DPP10: variants seen among roughly 807,000 people sequenced by gnomAD.
DPP10 encodes the protein inactive dipeptidyl peptidase 10.
DPP10 carries 33 observed loss-of-function variants against 120.9 expected under a neutral mutation model. That is an observed-to-expected ratio of 0.27 (90% CI 0.21 to 0.37). The LOEUF (loss-of-function observed/expected upper bound fraction) is 0.37, where lower values mean the gene tolerates loss of function less well. Among genes scored for constraint, DPP10 ranks in the 10% least tolerant of loss-of-function variants. The pLI is 1.00. For missense variants in DPP10, 816 were observed against 942.8 expected (o/e 0.87, Z 1.76); for synonymous variants, 337 against 326.1 (o/e 1.03, Z -0.36).
intron 1 of DPP10, among the ~76,000 whole-genome samples, chr2:115,182,675 C>T (rs1394516787): frequency 1.3e-5 from 2 of 152,108 alleles, no homozygotes; most frequent in East Asian, 3.9e-4. Flanking sequence ...CTAGTCATGA[C>T]AAGTTTCTCC....
At chr2:115,769,161 A>G (rs531312721) in intron 13 of DPP10, among the ~76,000 whole-genome samples, 9 of 152,186 alleles carry the variant, frequency 5.9e-5, no homozygotes, top group African/African-American at 2.2e-4. Context: ...ATAATAAATA[A>G]TCTAGTCTCA....
intron 1 of DPP10, among the ~76,000 whole-genome samples, chr2:114,735,738 A>C (rs538924942): frequency 2.0e-5 from 3 of 152,046 alleles, no homozygotes; most frequent in Non-Finnish European, 4.4e-5. Context: ...TGGCTTTCTG[A>C]AAAAGAAGCA....
chr2:115,216,647 G>T (rs568414159), intron 1 of DPP10, among the ~76,000 whole-genome samples: 1 of 152,004 alleles, frequency 6.6e-6, no homozygotes, highest in African/African-American at 2.4e-5. Context: ...AGCCAGGTGT[G>T]CTGGCGGGCA....
intron 1 of DPP10, among the ~76,000 whole-genome samples, chr2:114,450,425 A>AT (rs776466053): frequency 1.9e-3 from 282 of 148,192 alleles, no homozygotes; most frequent in African/African-American, 2.1e-3. Context: ...AAGTGCTCTG[A>AT]TTTTTTTTTT....
chr2:115,301,492 T>C (rs529812850), intron 1 of DPP10, among the ~76,000 whole-genome samples: 2 of 146,870 alleles, frequency 1.4e-5, no homozygotes, highest in Non-Finnish European at 3.0e-5. Flanking sequence ...TTTTTTTAAC[T>C]GCACTCACTG....
At chr2:115,593,115 G>A (rs2149183014) in intron 5 of DPP10, among the ~76,000 whole-genome samples, 1 of 152,180 alleles carries the variant, frequency 6.6e-6, no homozygotes, top group Admixed American at 6.5e-5. Context: ...TAAACATATT[G>A]TTTAAATCTT....
chr2:115,087,093 C>T (rs1389315204), intron 1 of DPP10, among the ~76,000 whole-genome samples: 2 of 152,144 alleles, frequency 1.3e-5, no homozygotes, highest in African/African-American at 4.8e-5. Flanking sequence ...CCAAGTCGAG[C>T]GTATTCTTTA....
chr2:114,747,100 C>G (rs1347099939), intron 1 of DPP10, among the ~76,000 whole-genome samples: 1 of 152,138 alleles, frequency 6.6e-6, no homozygotes, highest in Non-Finnish European at 1.5e-5. Flanking sequence ...TTCTCTGTTT[C>G]TCTCATTAAG....
chr2:115,342,176 C>A, intron 2 of DPP10: 1 of 454,774 alleles, frequency 2.2e-6, no homozygotes, highest in Non-Finnish European at 4.4e-6. Flanking sequence ...ATACTGACAT[C>A]TATTATGTAT....
At chr2:115,827,877 A>G (rs1187804117) in intron 21 of DPP10, among the ~76,000 whole-genome samples, 7 of 147,340 alleles carry the variant, frequency 4.8e-5, no homozygotes, top group Non-Finnish European at 1.1e-4. Flanking sequence ...GATTACAGGC[A>G]TGAGCCACTG....
At chr2:114,676,183 A>G (rs575075858) in intron 1 of DPP10, among the ~76,000 whole-genome samples, 1 of 152,188 alleles carries the variant, frequency 6.6e-6, no homozygotes, top group Non-Finnish European at 1.5e-5. Flanking sequence ...TATGACTGTA[A>G]TATAAGTTAT....
At chr2:115,576,965 G>A (rs1465598957) in intron 5 of DPP10, among the ~76,000 whole-genome samples, 1 of 152,138 alleles carries the variant, frequency 6.6e-6, no homozygotes, top group Non-Finnish European at 1.5e-5. Context: ...CTCAATCTGG[G>A]ACAAAATGAA....
intron 3 of DPP10, among the ~76,000 whole-genome samples, chr2:115,415,717 A>G (rs1475954841): frequency 6.6e-6 from 1 of 151,556 alleles, no homozygotes; most frequent in African/African-American, 2.4e-5. Context: ...TGGAGGACAT[A>G]TATGCATGCC....
chr2:115,572,081 G>A (rs1359958944), intron 5 of DPP10, among the ~76,000 whole-genome samples: 1 of 151,916 alleles, frequency 6.6e-6, no homozygotes, highest in Non-Finnish European at 1.5e-5. Flanking sequence ...TATATTCAAA[G>A]ATCAAAAGCA....
intron 1 of DPP10, among the ~76,000 whole-genome samples, chr2:115,294,909 A>G (rs1220527301): frequency 2.0e-5 from 3 of 152,088 alleles, no homozygotes; most frequent in Non-Finnish European, 1.5e-5. Flanking sequence ...CTCCCGACAC[A>G]GACACAGGTT....
At chr2:115,540,595 A>G (rs1487741824) in intron 5 of DPP10, among the ~76,000 whole-genome samples, 3 of 151,928 alleles carry the variant, frequency 2.0e-5, no homozygotes, top group Non-Finnish European at 4.4e-5. Flanking sequence ...ATAAAGAAAC[A>G]TTAAATAATC....
At chr2:115,107,827 T>C (rs2049025127) in intron 1 of DPP10, among the ~76,000 whole-genome samples, 1 of 152,156 alleles carries the variant, frequency 6.6e-6, no homozygotes, top group Non-Finnish European at 1.5e-5. Flanking sequence ...TAAGAAAACC[T>C]GAATGTGCAA....
intron 19 of DPP10, among the ~76,000 whole-genome samples, chr2:115,797,382 T>C (rs10496509): frequency 0.018 from 2,771 of 152,128 alleles, 85 homozygotes; most frequent in African/African-American, 0.061. Context: ...TTCCAATAAC[T>C]TCCAACATCA....
At chr2:115,243,985 T>TTA (rs990144316) in intron 1 of DPP10, among the ~76,000 whole-genome samples, 1 of 151,496 alleles carries the variant, frequency 6.6e-6, no homozygotes, top group Non-Finnish European at 1.5e-5. Context: ...CCAAAGTTGT[T>TTA]TATATATATA....
Sources: allele counts gnomAD v4.1 joint callset (sites outside exome capture counted in the v4.1 genomes callset), GRCh38; gene constraint gnomAD v4.1.1; transcripts MANE v1.5; gene names NCBI Gene and HGNC (gene_info 2026-07-23, HGNC 2026-07-21).